Variants in NCBP2L observed in about 807,000 individuals in gnomAD.
The protein encoded by NCBP2L is nuclear cap-binding protein subunit 2-like.
For missense variants in NCBP2L, 95 were observed against 53.1 expected, an observed-to-expected ratio of 1.79 and a Z score of -2.45; for synonymous variants, 39 against 19.2, an observed-to-expected ratio of 2.04 and a Z score of -2.70.
At chrX:107,791,364 C>T (rs1243676632) in intron 1 of NCBP2L, among the ~76,000 whole-genome samples, 1 of 111,315 alleles carries the variant, frequency 9.0e-6, no homozygotes, top group East Asian at 2.8e-4. Flanking sequence ...CCTACCTCAG[C>T]CTTCCAAGTA....
chrX:107,786,888 T>C (rs1428938119), intron 1 of NCBP2L, among the ~76,000 whole-genome samples: 1 of 111,666 alleles, frequency 9.0e-6, no homozygotes. Flanking sequence ...TCTGGATATA[T>C]TGGGAACACT....
chrX:107,781,784 A>ATAGATATCTATATTTATATCTAGATATC (rs1930292110), intron 1 of NCBP2L, among the ~76,000 whole-genome samples: 1 of 73,517 alleles, frequency 1.4e-5, no homozygotes, highest in Non-Finnish European at 2.5e-5. Context: ...ATATAGATCT[A>ATAGATATCTATATTTATATCTAGATATC]TAGATATCTA....
In NCBP2L at chrX:107,781,770, A is replaced by ATATT. The variant is rs1278518583; in HGVS notation, c.-73+3915_-73+3916insTTAT. Among the ~76,000 whole-genome samples the ATATT allele has an allele frequency of 5.2e-3, 169 of 32,522 alleles. 1 individual carries two copies. Among genetic ancestry groups the ATATT allele is most frequent in the African/African-American group, 0.017 (147 of 8,816 alleles). The allele number at this position is 32,522 out of a possible 115,157, so 28.2% of individuals were successfully genotyped here. ...TCTATATATAGATCTATAGATATCTATATATATAGATCTATAGATATCTAT... is the reference window on the plus strand; with the variant it reads ...TCTATATATAGATCTATAGATATCTATATTTATATATAGATCTATAGATATCTAT... On this transcript the variant is annotated intron_variant, in intron 1 of 1. Transcript: ENST00000509000.
At position 107,794,827 on chromosome X, in the gene NCBP2L, G is replaced by A; in HGVS notation, c.*145G>A. 1.3e-5 allele frequency: 5 copies of A among 392,203 alleles called. No individual in the cohort carries two copies. The highest frequency in any genetic ancestry group is 1.8e-5 in the Non-Finnish European group (4 of 221,432). 32.3% of individuals were successfully genotyped at this position (392,203 alleles called of 1,213,427 possible). The stretch of plus-strand genomic sequence containing the variant: ...TTCTCTGAAAATTTGTTAAATAGCA[G>A]AAACAAAAAAAATCCATTTGTTTTT... On this transcript the variant is annotated 3_prime_UTR_variant, in exon 2 of 2. Coordinates refer to ENST00000509000, the MANE Select transcript of NCBP2L (RefSeq NM_001348372.2).
intron 1 of NCBP2L, among the ~76,000 whole-genome samples, chrX:107,780,576 C>G (rs1172576807): frequency 9.2e-6 from 1 of 108,744 alleles, no homozygotes; most frequent in East Asian, 2.9e-4. Flanking sequence ...ACCCAAACTT[C>G]AGGCCTTGGA....
intron 1 of NCBP2L, among the ~76,000 whole-genome samples, chrX:107,783,171 A>G (rs781058013): frequency 9.2e-6 from 1 of 108,806 alleles, no homozygotes; most frequent in Non-Finnish European, 1.9e-5. Context: ...GAGATGGGGA[A>G]CTGAGGGAAA....
intron 1 of NCBP2L, among the ~76,000 whole-genome samples, chrX:107,789,309 C>T (rs1205588664): frequency 9.2e-6 from 1 of 108,788 alleles, no homozygotes; most frequent in Non-Finnish European, 1.9e-5. Flanking sequence ...AGTTATCCCT[C>T]CTCTCATCTG....
At chrX:107,781,692 C>CTCTCTCTCTCTATATATA (rs1395038482) in intron 1 of NCBP2L, among the ~76,000 whole-genome samples, 54 of 66,903 alleles carry the variant, frequency 8.1e-4, no homozygotes, top group African/African-American at 2.0e-3. Context: ...CTCTCTCTCT[C>CTCTCTCTCTCTATATATA]TATATATATA....
intron 1 of NCBP2L, among the ~76,000 whole-genome samples, chrX:107,780,491 A>G (rs1930251260): frequency 1.8e-5 from 2 of 110,959 alleles, no homozygotes; most frequent in East Asian, 2.8e-4. Context: ...GAGACATGGA[A>G]TTGTTTTCTA....
intron 1 of NCBP2L, among the ~76,000 whole-genome samples, chrX:107,781,975 T>A (rs1288128896): frequency 1.1e-5 from 1 of 93,699 alleles, no homozygotes; most frequent in Admixed American, 1.3e-4. Flanking sequence ...TCTGCCCACC[T>A]CGGCTTCCCA....
intron 1 of NCBP2L, among the ~76,000 whole-genome samples, chrX:107,782,210 A>AATATATATATAAAT (rs1930307881): frequency 2.8e-4 from 2 of 7,058 alleles, no homozygotes; most frequent in Non-Finnish European, 4.5e-4. Flanking sequence ...TATATATATA[A>AATATATATATAAAT]ATATATATAT....
chrX:107,780,238 T>C (rs1930248124), intron 1 of NCBP2L, among the ~76,000 whole-genome samples: 2 of 111,267 alleles, frequency 1.8e-5, no homozygotes, highest in Admixed American at 1.9e-4. Context: ...GCATCTGTAG[T>C]CCCAGCTACG....
chrX:107,779,675 G>A (rs919441612), intron 1 of NCBP2L, among the ~76,000 whole-genome samples: 10 of 109,341 alleles, frequency 9.1e-5, no homozygotes, highest in Non-Finnish European at 1.3e-4. Flanking sequence ...TGATCCACCC[G>A]CTTCGGCCTC....
intron 1 of NCBP2L, among the ~76,000 whole-genome samples, chrX:107,780,474 G>A (rs1930250709): frequency 9.0e-6 from 1 of 110,637 alleles, no homozygotes. Context: ...TGTTTTCATA[G>A]CTCTCGGAGA....
intron 1 of NCBP2L, among the ~76,000 whole-genome samples, chrX:107,781,730 A>C (rs2147805260): frequency 1.3e-5 from 1 of 78,982 alleles, no homozygotes; most frequent in South Asian, 5.3e-4. Context: ...ATATCTATAG[A>C]TCTATATATA....
intron 1 of NCBP2L, among the ~76,000 whole-genome samples, chrX:107,781,852 A>C (rs866775846): frequency 1.2e-4 from 12 of 97,342 alleles, no homozygotes; most frequent in African/African-American, 1.5e-4. Flanking sequence ...ATTTATATAT[A>C]TATATTTTTT....
chrX:107,782,174 TATATATAA>T (rs1402152342), intron 1 of NCBP2L, among the ~76,000 whole-genome samples: 1 of 29,365 alleles, frequency 3.4e-5, no homozygotes, highest in African/African-American at 2.0e-4. Flanking sequence ...GCTATATATA[TATATATAA>T]ATATATATAT....
At chrX:107,788,956 C>T (rs1930417558) in intron 1 of NCBP2L, among the ~76,000 whole-genome samples, 1 of 111,350 alleles carries the variant, frequency 9.0e-6, no homozygotes, top group Non-Finnish European at 1.9e-5. Context: ...CCTGAGTGAT[C>T]TTAATGTCCT....
intron 1 of NCBP2L, among the ~76,000 whole-genome samples, chrX:107,793,358 C>T (rs759061921): frequency 1.3e-4 from 14 of 110,964 alleles, no homozygotes; most frequent in Admixed American, 3.8e-4. Context: ...GGAACCTCTG[C>T]GAAACAGAAT....
Sources: gnomAD v4.1 joint callset for allele counts (sites outside exome capture counted in the v4.1 genomes callset) on GRCh38, gnomAD v4.1.1 for gene constraint, MANE v1.5 for transcripts, NCBI Gene and HGNC (gene_info 2026-07-23, HGNC 2026-07-21) for gene names.